Variants in ADAMTSL1 observed in about 807,000 individuals in gnomAD.
ADAMTSL1 encodes ADAMTS-like protein 1.
A neutral mutation model predicts 201.8 loss-of-function variants in ADAMTSL1; 126 were observed. The ratio of observed to expected loss-of-function variants is 0.62; its 90% CI spans 0.54 to 0.72. The LOEUF is 0.72. Among genes scored for constraint, ADAMTSL1 ranks in the 30% least tolerant of loss-of-function variants. The pLI is 0.00. For missense variants in ADAMTSL1, 2,679 were observed against 2,277.8 expected (o/e 1.18, Z -3.59); for synonymous variants, 1,121 against 903.4 (o/e 1.24, Z -4.32).
chr9:18,109,910 C>G (rs186046911), intron 1 of ADAMTSL1, among the ~76,000 whole-genome samples: 2 of 152,292 alleles, frequency 1.3e-5, no homozygotes, highest in Admixed American at 1.3e-4. Context: ...ACCATATGTT[C>G]TTTCATAAGC....
intron 13 of ADAMTSL1, among the ~76,000 whole-genome samples, chr9:18,706,284 A>T (rs1044833745): frequency 6.6e-6 from 1 of 152,192 alleles, no homozygotes; most frequent in African/African-American, 2.4e-5. Flanking sequence ...AATGTATTAT[A>T]ATTAGTGTAT....
chr9:18,440,906 A>G (rs935893673), intron 2 of ADAMTSL1, among the ~76,000 whole-genome samples: 5 of 152,148 alleles, frequency 3.3e-5, no homozygotes, highest in Non-Finnish European at 5.9e-5. Flanking sequence ...TTGTAGACCC[A>G]TATTAGCGGC....
chr9:17,926,722 C>G (rs1160867727), intron 1 of ADAMTSL1, among the ~76,000 whole-genome samples: 1 of 152,176 alleles, frequency 6.6e-6, no homozygotes, highest in Admixed American at 6.5e-5. Flanking sequence ...TATCCCCTTT[C>G]TTGTTTTGGT....
chr9:18,556,728 A>G (rs367906726), intron 3 of ADAMTSL1, among the ~76,000 whole-genome samples: 4 of 152,192 alleles, frequency 2.6e-5, no homozygotes, highest in East Asian at 3.9e-4. Flanking sequence ...GTTGTCATCC[A>G]TTAAACTTAT....
intron 15 of ADAMTSL1, among the ~76,000 whole-genome samples, chr9:18,750,437 T>C (rs558603214): frequency 2.0e-5 from 3 of 152,384 alleles, no homozygotes; most frequent in African/African-American, 7.2e-5. Flanking sequence ...GATTCATTTA[T>C]GTTGTTGCTT....
chr9:18,889,223 G>A (rs1224788365), intron 24 of ADAMTSL1, among the ~76,000 whole-genome samples: 2 of 152,190 alleles, frequency 1.3e-5, no homozygotes, highest in Non-Finnish European at 2.9e-5. Flanking sequence ...AAAAAGTACT[G>A]TAGCCAATAT....
intron 2 of ADAMTSL1, among the ~76,000 whole-genome samples, chr9:18,323,535 G>GA (rs928784396): frequency 2.6e-5 from 4 of 151,680 alleles, no homozygotes; most frequent in Admixed American, 6.6e-5. Context: ...AGCACAAAAA[G>GA]AAAAAAACCC....
chr9:18,639,371 T>A lies in ADAMTSL1; in HGVS notation c.794T>A (p.Leu265Gln). 1 of 1,612,976 alleles carries A rather than the reference T, an allele frequency of 6.2e-7. No homozygotes were observed. The highest frequency in any genetic ancestry group is 8.5e-7 in the Non-Finnish European group (1 of 1,179,228). ...DFQKFPDKEI[L>Q]RMAGPLTADF... is the part of the protein sequence containing the mutation. Reference sequence around the variant, plus strand: ...CAGAAATTTCCAGACAAAGAGATACTGAGAATGGCTGGACCACTCACAGCA... The same window carrying A: ...CAGAAATTTCCAGACAAAGAGATACAGAGAATGGCTGGACCACTCACAGCA... The change falls in exon 7 of 29, where the codon CTG becomes CAG. Residue 265 changes from leucine (L) to glutamine (Q), a missense_variant. Coordinates refer to ENST00000380548, the MANE Select transcript of ADAMTSL1 (RefSeq NM_001040272.6).
At chr9:18,033,643 A>G (rs1821071052) in intron 1 of ADAMTSL1, among the ~76,000 whole-genome samples, 1 of 152,166 alleles carries the variant, frequency 6.6e-6, no homozygotes, top group African/African-American at 2.4e-5. Flanking sequence ...CAATCTCTCA[A>G]CTTGGTACTC....
In ADAMTSL1 at chr9:18,310,399, A is replaced by AAAAAAAAAAAAAC. The variant is rs1440483712; in HGVS notation, c.207+146418_207+146419insAAAAAAAAAAAAC. 8.0e-4 allele frequency among the ~76,000 whole-genome samples: 102 copies of AAAAAAAAAAAAAC among 127,398 alleles called. 5 individuals are homozygous for AAAAAAAAAAAAAC. Among genetic ancestry groups the AAAAAAAAAAAAAC allele is most frequent in the Non-Finnish European group, 1.3e-3 (78 of 58,274 alleles). 83.6% of individuals were successfully genotyped at this position (127,398 alleles called of 152,430 possible). A position where few individuals can be genotyped will look rare whatever the true frequency, so the allele number is the denominator to read the frequency against. On this transcript the variant is annotated intron_variant, in intron 2 of 29. Transcript: ENST00000680146. Reference sequence around the variant, plus strand: ...AAAAAAAAAAAAAAAAAAAAAAAAAACTATCTTCAGAGTGAACAGGCAACC... The same window carrying AAAAAAAAAAAAAC: ...AAAAAAAAAAAAAAAAAAAAAAAAAAAAAAAAAAAAAACCTATCTTCAGAGTGAACAGGCAACC...
chr9:18,273,282 T>C (rs138990566), intron 2 of ADAMTSL1, among the ~76,000 whole-genome samples: 1,805 of 152,314 alleles, frequency 0.012, 18 homozygotes, highest in Non-Finnish European at 0.021. Context: ...AGTTTCACCA[T>C]GTTGGCCAGT....
chr9:18,882,991 CA>C (rs34408343), intron 23 of ADAMTSL1, among the ~76,000 whole-genome samples: 59,816 of 113,414 alleles, frequency 0.53, 14,446 homozygotes, highest in African/African-American at 0.65. Context: ...GAGCCTGCCT[CA>C]AAAAAAAAAA....
intron 20 of ADAMTSL1, among the ~76,000 whole-genome samples, chr9:18,813,913 G>A (rs1481456114): frequency 6.6e-6 from 1 of 152,142 alleles, no homozygotes; most frequent in African/African-American, 2.4e-5. Context: ...AAAAATTTCA[G>A]TTATTCCCCA....
intron 2 of ADAMTSL1, among the ~76,000 whole-genome samples, chr9:18,355,103 G>T (rs1836154908): frequency 6.6e-6 from 1 of 151,120 alleles, no homozygotes; most frequent in Non-Finnish European, 1.5e-5. Flanking sequence ...CCCTAGTTTA[G>T]AATCTACACC....
chr9:17,994,036 A>T (rs1178850694), intron 1 of ADAMTSL1, among the ~76,000 whole-genome samples: 1 of 151,552 alleles, frequency 6.6e-6, no homozygotes, highest in African/African-American at 2.4e-5. Flanking sequence ...AGTAATACAG[A>T]TTGTGCTTCC....
chr9:18,623,592 T>C (rs1206853044), intron 5 of ADAMTSL1, among the ~76,000 whole-genome samples: 1 of 152,224 alleles, frequency 6.6e-6, no homozygotes, highest in Non-Finnish European at 1.5e-5. Flanking sequence ...CTAGGATAGA[T>C]GGTACAAGTT....
At chr9:18,568,033 T>G (rs1451475620) in intron 3 of ADAMTSL1, among the ~76,000 whole-genome samples, 3 of 152,172 alleles carry the variant, frequency 2.0e-5, no homozygotes, top group African/African-American at 7.2e-5. Context: ...CTCTCTTTCA[T>G]TCTCTCAAAA....
chr9:18,138,398 G>C (rs1434137863), intron 1 of ADAMTSL1, among the ~76,000 whole-genome samples: 1 of 152,056 alleles, frequency 6.6e-6, no homozygotes, highest in African/African-American at 2.4e-5. Context: ...GGATTTTAAG[G>C]CAGAGTATGC....
chr9:18,670,190 C>A (rs2133085664), intron 9 of ADAMTSL1, among the ~76,000 whole-genome samples: 1 of 152,298 alleles, frequency 6.6e-6, no homozygotes, highest in Non-Finnish European at 1.5e-5. Flanking sequence ...GTGAAAGGTT[C>A]TGTGCTTGGT....
Sources: allele counts gnomAD v4.1 joint callset (sites outside exome capture counted in the v4.1 genomes callset), GRCh38; gene constraint gnomAD v4.1.1; transcripts MANE v1.5; gene names NCBI Gene and HGNC (gene_info 2026-07-23, HGNC 2026-07-21).